The following SEMA6D variants were observed in gnomAD, a reference collection of about 807,000 sequenced individuals.
The protein encoded by SEMA6D is semaphorin-6D.
In SEMA6D, 35 loss-of-function variants were observed where a neutral mutation model predicts 106.6. The ratio of observed to expected loss-of-function variants is 0.33; its 90% CI spans 0.25 to 0.44. SEMA6D has a LOEUF of 0.44. Among genes scored for constraint, SEMA6D ranks in the 20% least tolerant of loss-of-function variants. SEMA6D has a pLI of 1.00. For missense variants in SEMA6D, 1,185 were observed against 1,345.9 expected (o/e 0.88, Z 1.87); for synonymous variants, 499 against 487.7 (o/e 1.02, Z -0.31).
At chr15:47,248,769 A>T (rs995261991) in intron 1 of SEMA6D, among the ~76,000 whole-genome samples, 8 of 152,202 alleles carry the variant, frequency 5.3e-5, no homozygotes, top group Non-Finnish European at 1.0e-4. Context: ...AGAGTTGAGT[A>T]AGAGATAACA....
intron 4 of SEMA6D, among the ~76,000 whole-genome samples, chr15:47,690,117 T>C: frequency 6.6e-6 from 1 of 152,184 alleles, no homozygotes; most frequent in East Asian, 1.9e-4. Context: ...GCGCTGCCCA[T>C]CTGCAGACAT....
At chr15:47,677,926 A>G (rs73392871) in intron 4 of SEMA6D, among the ~76,000 whole-genome samples, 8,809 of 152,254 alleles carry the variant, frequency 0.058, 836 homozygotes, top group African/African-American at 0.2. Context: ...GTTGTAGAGC[A>G]GCAAAAAAGC....
intron 1 of SEMA6D, among the ~76,000 whole-genome samples, chr15:47,299,697 A>G (rs950722197): frequency 6.6e-6 from 1 of 152,328 alleles, no homozygotes. Flanking sequence ...GGTGGAATCT[A>G]TTAAATACAC....
intron 4 of SEMA6D, among the ~76,000 whole-genome samples, chr15:47,622,794 G>A (rs2077131110): frequency 1.3e-5 from 2 of 152,144 alleles, no homozygotes; most frequent in African/African-American, 4.8e-5. Flanking sequence ...GCTTTCAAAG[G>A]CGTGCAGGGG....
intron 1 of SEMA6D, among the ~76,000 whole-genome samples, chr15:47,303,458 A>G (rs954664142): frequency 2.6e-5 from 4 of 152,152 alleles, no homozygotes; most frequent in African/African-American, 9.7e-5. Context: ...TCACCTTCGT[A>G]GTGGGGCTCC....
intron 2 of SEMA6D, among the ~76,000 whole-genome samples, chr15:47,426,342 A>T (rs2041337315): frequency 6.6e-6 from 1 of 151,906 alleles, no homozygotes; most frequent in Non-Finnish European, 1.5e-5. Context: ...GTTTTATTTG[A>T]TATTGTTGTC....
intron 3 of SEMA6D, among the ~76,000 whole-genome samples, chr15:47,550,275 G>T (rs1303725481): frequency 6.6e-6 from 1 of 152,236 alleles, no homozygotes; most frequent in East Asian, 1.9e-4. Flanking sequence ...ATTTTTTAAT[G>T]TTAATGGTAT....
intron 1 of SEMA6D, among the ~76,000 whole-genome samples, chr15:47,742,754 C>G (rs149127219): frequency 1.1e-4 from 16 of 152,310 alleles, no homozygotes; most frequent in African/African-American, 3.8e-4. Flanking sequence ...TTCTTTCCCC[C>G]AGTCCTGCTA....
intron 1 of SEMA6D, among the ~76,000 whole-genome samples, chr15:47,342,281 C>G (rs968152558): frequency 6.6e-6 from 1 of 152,192 alleles, no homozygotes; most frequent in Non-Finnish European, 1.5e-5. Context: ...GCAGGGCAGT[C>G]TGAATTCCTC....
intron 1 of SEMA6D, among the ~76,000 whole-genome samples, chr15:47,269,157 C>G (rs1472074494): frequency 6.6e-6 from 1 of 151,936 alleles, no homozygotes; most frequent in East Asian, 1.9e-4. Context: ...TGTTAGTTTA[C>G]TCAAGAAATG....
At chr15:47,240,346 C>T (rs2032826182) in intron 1 of SEMA6D, among the ~76,000 whole-genome samples, 1 of 152,082 alleles carries the variant, frequency 6.6e-6, no homozygotes, top group South Asian at 2.1e-4. Context: ...TATTTTACTT[C>T]CCTGGCTTTC....
chr15:47,759,181 T>A (rs1045255319), intron 1 of SEMA6D, among the ~76,000 whole-genome samples: 3 of 152,128 alleles, frequency 2.0e-5, no homozygotes, highest in African/African-American at 7.2e-5. Flanking sequence ...TCCACGTTGG[T>A]CGTAGTAAGC....
intron 4 of SEMA6D, among the ~76,000 whole-genome samples, chr15:47,656,215 G>A (rs1417048358): frequency 6.6e-6 from 1 of 152,190 alleles, no homozygotes; most frequent in African/African-American, 2.4e-5. Flanking sequence ...ACGAAATAAG[G>A]TGCCTTTAAA....
chr15:47,467,800 G>A (rs144373352), intron 2 of SEMA6D, among the ~76,000 whole-genome samples: 188 of 152,124 alleles, frequency 1.2e-3, no homozygotes, highest in African/African-American at 4.4e-3. Flanking sequence ...CGGCAGCATC[G>A]GTGCCATTTA....
At chr15:47,348,613 A>G (rs1432825550) in intron 1 of SEMA6D, among the ~76,000 whole-genome samples, 1 of 150,974 alleles carries the variant, frequency 6.6e-6, no homozygotes, top group African/African-American at 2.4e-5. Context: ...GAGAACTTCA[A>G]CTGTGAAGCC....
intron 1 of SEMA6D, among the ~76,000 whole-genome samples, chr15:47,262,386 T>G (rs556858276): frequency 2.0e-5 from 3 of 152,172 alleles, no homozygotes; most frequent in African/African-American, 7.2e-5. Flanking sequence ...GGCTCACGGT[T>G]CCATATGGCT....
intron 4 of SEMA6D, among the ~76,000 whole-genome samples, chr15:47,612,853 T>C (rs779114245): frequency 7.2e-5 from 11 of 152,186 alleles, no homozygotes; most frequent in Non-Finnish European, 1.6e-4. Flanking sequence ...ATTGTTCTCT[T>C]GGCAACTTGC....
chr15:47,226,053 G>A (rs2031643412), intron 1 of SEMA6D, among the ~76,000 whole-genome samples: 1 of 152,048 alleles, frequency 6.6e-6, no homozygotes, highest in Non-Finnish European at 1.5e-5. Flanking sequence ...ACCAAGTTAA[G>A]ATGAGGTCAT....
rs528858112 is a variant in SEMA6D, at chr15:47,772,850, C to A, written c.*1065C>A. 5 of 138,626 alleles carry A rather than the reference C, an allele frequency of 3.6e-5. No homozygotes were observed. The highest frequency in any genetic ancestry group is 1.3e-4 in the African/African-American group (5 of 37,724). The allele number at this position is 138,626 out of a possible 1,614,324, so 8.6% of individuals were successfully genotyped here. On this transcript the variant is annotated 3_prime_UTR_variant, in exon 19 of 19. Transcript: ENST00000536845. ...TCTCCTCCTTTAACTCCTCCTACCC[C>A]CCAAGGTAAGAAACAAAAAACAAAC...
Sources: allele counts gnomAD v4.1 joint callset (sites outside exome capture counted in the v4.1 genomes callset), GRCh38; gene constraint gnomAD v4.1.1; transcripts MANE v1.5; gene names NCBI Gene and HGNC (gene_info 2026-07-23, HGNC 2026-07-21).